Variants in ESRRG observed in about 807,000 individuals in gnomAD.
ESRRG encodes estrogen-related receptor gamma.
Under a neutral mutation model 44.0 loss-of-function variants are expected in ESRRG, and 13 were observed. That is an observed-to-expected ratio of 0.30 (90% CI 0.19 to 0.47). ESRRG has a LOEUF of 0.47. Ranked by LOEUF, ESRRG falls within the 20% of genes least tolerant of loss-of-function variation. The pLI, the probability that ESRRG is intolerant of heterozygous loss-of-function variation, is 1.00. For missense variants in ESRRG, 395 were observed against 580.6 expected (o/e 0.68, Z 3.29); for synonymous variants, 215 against 214.6 (o/e 1.00, Z -0.02).
intron 2 of ESRRG, among the ~76,000 whole-genome samples, chr1:216,815,581 C>T (rs1344629153): frequency 6.6e-6 from 1 of 152,206 alleles, no homozygotes; most frequent in East Asian, 1.9e-4. Flanking sequence ...ACCACCCGGG[C>T]TCAGGCCTCC....
intron 3 of ESRRG, among the ~76,000 whole-genome samples, chr1:216,632,648 TG>T (rs1401082615): frequency 6.6e-6 from 1 of 152,178 alleles, no homozygotes; most frequent in Non-Finnish European, 1.5e-5. Context: ...TAGAGATTTT[TG>T]TAAAGGTATG....
intron 1 of ESRRG, among the ~76,000 whole-genome samples, chr1:217,023,142 T>C (rs1310170964): frequency 1.3e-5 from 2 of 152,152 alleles, no homozygotes; most frequent in Non-Finnish European, 2.9e-5. Context: ...GCATGTACTA[T>C]CAAAATGTAC....
intron 3 of ESRRG, among the ~76,000 whole-genome samples, chr1:216,569,158 G>A (rs1573190547): frequency 2.0e-5 from 1 of 48,946 alleles, no homozygotes; most frequent in Non-Finnish European, 4.4e-5. Flanking sequence ...AGTGGAAGAG[G>A]AGGGAAGGGA....
At chr1:217,002,378 T>C (rs1184264277) in intron 1 of ESRRG, among the ~76,000 whole-genome samples, 1 of 151,438 alleles carries the variant, frequency 6.6e-6, no homozygotes, top group Non-Finnish European at 1.5e-5. Context: ...TTATGCACAT[T>C]GTATAATATT....
At chr1:216,856,117 C>T (rs532115186) in intron 2 of ESRRG, among the ~76,000 whole-genome samples, 11 of 151,184 alleles carry the variant, frequency 7.3e-5, no homozygotes, top group African/African-American at 1.5e-4. Flanking sequence ...CTTTTTTTCC[C>T]GGTCTTCCCT....
At chr1:216,772,085 C>T (rs1351930570) in intron 2 of ESRRG, among the ~76,000 whole-genome samples, 1 of 152,160 alleles carries the variant, frequency 6.6e-6, no homozygotes, top group Non-Finnish European at 1.5e-5. Flanking sequence ...AGGATCCAGA[C>T]AGGTACCCGA....
rs750034176 is a variant in ESRRG at position 216,748,495 on chromosome 1, T to C, written c.-13-71004A>G. Among the ~76,000 whole-genome samples, 8 of 152,284 alleles carry C rather than the reference T, an allele frequency of 5.3e-5. No individual in the cohort carries two copies. In the East Asian group the frequency reaches 5.8e-4, roughly 11 times the overall value. ...ACCAAGCCAAGAGTCTAAATATTAATAGAACTATTTATACAGGCTGTTGTC... is the reference window on the plus strand; with the variant it reads ...ACCAAGCCAAGAGTCTAAATATTAACAGAACTATTTATACAGGCTGTTGTC... On this transcript the variant is annotated intron_variant, in intron 2 of 7. Transcript: ENST00000359162.
At chr1:216,699,249 G>T (rs955359295) in intron 1 of ESRRG, among the ~76,000 whole-genome samples, 5 of 152,148 alleles carry the variant, frequency 3.3e-5, no homozygotes, top group Admixed American at 3.3e-4. Context: ...GAAAGCAAAA[G>T]ATTTATATTA....
chr1:216,838,968 TA>T (rs1337995428), intron 2 of ESRRG, among the ~76,000 whole-genome samples: 7 of 152,128 alleles, frequency 4.6e-5, no homozygotes, highest in South Asian at 2.1e-4. Context: ...AGCAGTTTTT[TA>T]AAAAAGGACA....
intron 1 of ESRRG, among the ~76,000 whole-genome samples, chr1:217,095,220 G>A (rs910193720): frequency 6.6e-6 from 1 of 152,192 alleles, no homozygotes; most frequent in African/African-American, 2.4e-5. Context: ...AACACAGATA[G>A]TGTATAATAA....
chr1:217,002,677 T>A (rs74435458), intron 1 of ESRRG, among the ~76,000 whole-genome samples: 1 of 152,150 alleles, frequency 6.6e-6, no homozygotes, highest in Admixed American at 6.5e-5. Context: ...ATTATAGCTT[T>A]TACCTTGTTC....
chr1:216,597,116 G>T (rs986627177), intron 3 of ESRRG, among the ~76,000 whole-genome samples: 5 of 152,112 alleles, frequency 3.3e-5, no homozygotes, highest in Non-Finnish European at 5.9e-5. Context: ...ACAGCTAAGA[G>T]AAATTGGCTT....
intron 1 of ESRRG, among the ~76,000 whole-genome samples, chr1:216,969,558 A>G (rs2150272101): frequency 6.6e-6 from 1 of 152,230 alleles, no homozygotes; most frequent in East Asian, 1.9e-4. Context: ...TAGGAACCAC[A>G]TTTTGGACTA....
intron 2 of ESRRG, among the ~76,000 whole-genome samples, chr1:216,848,605 C>A (rs1228914790): frequency 6.6e-6 from 1 of 152,110 alleles, no homozygotes; most frequent in Non-Finnish European, 1.5e-5. Flanking sequence ...GGTATGCTTG[C>A]TAAATTACCC....
chr1:216,908,208 G>T (rs2059900960), intron 2 of ESRRG, among the ~76,000 whole-genome samples: 1 of 152,196 alleles, frequency 6.6e-6, no homozygotes, highest in African/African-American at 2.4e-5. Flanking sequence ...GAAACCCTGG[G>T]ATGAGGTCTG....
At chr1:216,961,620 T>C (rs1356870317) in intron 1 of ESRRG, among the ~76,000 whole-genome samples, 2 of 151,204 alleles carry the variant, frequency 1.3e-5, no homozygotes, top group Non-Finnish European at 2.9e-5. Context: ...TGGTACTTGA[T>C]ACACTGTTGA....
intron 3 of ESRRG, among the ~76,000 whole-genome samples, chr1:216,609,501 C>T (rs1347799197): frequency 6.6e-6 from 1 of 152,180 alleles, no homozygotes; most frequent in East Asian, 1.9e-4. Flanking sequence ...AGTATAGTCC[C>T]TGGTACTCCT....
chr1:216,626,896 A>C (rs2063286594), intron 3 of ESRRG, among the ~76,000 whole-genome samples: 1 of 152,228 alleles, frequency 6.6e-6, no homozygotes, highest in African/African-American at 2.4e-5. Flanking sequence ...AAGTAACAGC[A>C]CTGTAAGTTA....
At chr1:216,950,377 G>A (rs182474424) in intron 1 of ESRRG, among the ~76,000 whole-genome samples, 76 of 152,278 alleles carry the variant, frequency 5.0e-4, no homozygotes, top group African/African-American at 1.3e-3. Context: ...TTATGTGACT[G>A]TTTTGCCCCC....
Sources: allele counts gnomAD v4.1 joint callset (sites outside exome capture counted in the v4.1 genomes callset), GRCh38; gene constraint gnomAD v4.1.1; transcripts MANE v1.5; gene names NCBI Gene and HGNC (gene_info 2026-07-23, HGNC 2026-07-21).